The following NLRX1 variants were observed in gnomAD, a reference collection of about 807,000 sequenced individuals.
NLRX1 encodes NOD-like receptor X1.
In NLRX1, 67 loss-of-function variants were observed where a neutral mutation model predicts 74.2. That is an observed-to-expected ratio of 0.90 (90% CI 0.74 to 1.11). The LOEUF (loss-of-function observed/expected upper bound fraction) is 1.11, where lower values mean the gene tolerates loss of function less well. Among genes scored for constraint, NLRX1 ranks in the 50% least tolerant of loss-of-function variants. NLRX1 has a pLI of 0.00. For missense variants in NLRX1, 1,191 were observed against 1,305.4 expected (o/e 0.91, Z 1.35); for synonymous variants, 506 against 559.1 (o/e 0.91, Z 1.34).
rs750835811 is a variant in NLRX1 at position 119,173,597 on chromosome 11, C to T, written c.348C>T (p.Arg116=). 39 of 1,614,040 alleles carry T rather than the reference C, an allele frequency of 2.4e-5. No individual in the cohort carries two copies. The highest frequency in any genetic ancestry group is 8.8e-5 in the South Asian group (8 of 91,094). Residue 116 remains arginine, a synonymous_variant, in exon 5 of 10, where the codon CGC becomes CGT. Coordinates refer to ENST00000409109, the MANE Select transcript of NLRX1 (RefSeq NM_001282144.2). This position sits in a 1 kb window ranked among gnomAD's most constrained non-coding sequence, Gnocchi z 4.0. ...CGGTCCACGTTGACCCTGTGATCCG[C>T]GAGAGTACCCCTGATGAGCTACTTC... ...LDTVHVDPVI[R]ESTPDELLRP...
chr11:119,173,943 G>T lies in NLRX1; in HGVS notation c.694G>T (p.Ala232Ser), dbSNP rs747289717. Residue 232 changes from alanine to serine, a missense_variant, in exon 5 of 10, where the codon GCT (alanine) becomes TCT (serine). Physicochemically the swap from Ala to Ser is moderately conservative, Grantham distance 99 (BLOSUM62 1). Transcript: ENST00000409109. The surrounding 1 kb of genome is among the most constrained non-coding windows in gnomAD (Gnocchi z 4.0). ...PLKEVLPLMA[A>S]AGSHLLFVLH... ...GAAGGAGGTTCTGCCCCTGATGGCT[G>T]CTGCTGGGTCCCACCTCCTCTTTGT... 10 of 1,613,820 alleles carry T rather than the reference G, an allele frequency of 6.2e-6. No individual in the cohort carries two copies. The highest frequency in any genetic ancestry group is 8.5e-6 in the Non-Finnish European group (10 of 1,180,046).
chr11:119,172,268 G>A lies in NLRX1; in HGVS notation c.71-88G>A, dbSNP rs58947677. On this transcript the variant is annotated intron_variant, in intron 2 of 9. Coordinates refer to ENST00000409109, the MANE Select transcript of NLRX1 (RefSeq NM_001282144.2). ...GCAAAGGGGCAGTACATGCTGCTATGAGAGCAAATACTGGGGGGTTTGATG... is the reference window on the plus strand; with the variant it reads ...GCAAAGGGGCAGTACATGCTGCTATAAGAGCAAATACTGGGGGGTTTGATG... The A allele has an allele frequency of 6.6e-3, 6,650 of 1,001,844 alleles. 297 individuals are homozygous for A. The African/African-American group carries it at 0.092, about 14-fold the overall frequency. 62.1% of individuals were successfully genotyped at this position (1,001,844 alleles called of 1,614,324 possible).
intron 1 of NLRX1, 107 bp from the exon 2 acceptor site, chr11:119,171,249 A>G: frequency 3.0e-6 from 2 of 667,370 alleles, no homozygotes; most frequent in South Asian, 4.6e-5. Context: ...ACATTTGAGG[A>G]AGGGCTGATC....
Position 119,174,542 on chromosome 11 carries a change from T to A in NLRX1, c.939T>A (p.Ser313=). The A allele has an allele frequency of 6.2e-7, 1 of 1,614,212 alleles. No homozygotes were observed. The highest frequency in any genetic ancestry group is 2.2e-5 in the East Asian group (1 of 44,890). ...GCTATGGTGAGATCTGCGGTTTCTCTGATACCAACCTGCAGAAGCTCTACT... is the reference window on the plus strand; with the variant it reads ...GCTATGGTGAGATCTGCGGTTTCTCAGATACCAACCTGCAGAAGCTCTACT... ...VGRYGEICGF[S]DTNLQKLYFQ... Residue 313 remains serine (S), a synonymous_variant, in exon 6 of 10, where the codon TCT becomes TCA. Transcript: ENST00000409109.
At chr11:119,181,764 GT>G (rs1215248384) in intron 8 of NLRX1, among the ~76,000 whole-genome samples, 1 of 152,126 alleles carries the variant, frequency 6.6e-6, no homozygotes, top group Non-Finnish European at 1.5e-5. Context: ...AGCAGAGGCT[GT>G]GGAGGGGGTG....
intron 1 of NLRX1, among the ~76,000 whole-genome samples, chr11:119,170,034 A>T (rs929087505): frequency 7.9e-6 from 1 of 126,418 alleles, no homozygotes; most frequent in Non-Finnish European, 1.6e-5. Flanking sequence ...AAAAAAAAAA[A>T]TTGGTTGGGA....
rs112999587 is a variant in NLRX1, at chr11:119,174,556, A to G, written c.953A>G (p.Gln318Arg). 1 of 1,614,084 alleles carries G rather than the reference A, an allele frequency of 6.2e-7. No homozygotes were observed. Among genetic ancestry groups the G allele is most frequent in the Non-Finnish European group, 8.5e-7 (1 of 1,180,050 alleles). ...EICGFSDTNL[Q>R]KLYFQLRLNQ... The stretch of plus-strand genomic sequence containing the variant: ...TGCGGTTTCTCTGATACCAACCTGC[A>G]GAAGCTCTACTTCCAGCTCCGCCTC... The change falls in exon 6 of 10, where the codon CAG becomes CGG. Residue 318 changes from glutamine to arginine, a missense_variant. By Grantham distance (43) the Gln-to-Arg change is conservative. Coordinates refer to ENST00000409109, the MANE Select transcript of NLRX1 (RefSeq NM_001282144.2).
Position 119,175,250 on chromosome 11 carries a change from G to A in NLRX1, c.1647G>A (p.Leu549=). 1 of 1,613,870 alleles carries A rather than the reference G, an allele frequency of 6.2e-7. No individual in the cohort carries two copies. The highest frequency in any genetic ancestry group is 8.5e-7 in the Non-Finnish European group (1 of 1,179,932). The change falls in exon 6 of 10, where the codon CTG becomes CTA. Residue 549 remains leucine (L), a synonymous_variant. Coordinates refer to ENST00000409109, the MANE Select transcript of NLRX1 (RefSeq NM_001282144.2). ...CCAAGCTGCTGCCTCTGCGGGCTCT[G>A]CCTCTGCTCTTCAACCTGATCAAGG... ...IMAKLLPLRA[L]PLLFNLIKVV...
Position 119,180,011 on chromosome 11 carries a change from A to C in NLRX1, c.1990A>C (p.Lys664Gln), listed in dbSNP as rs749477688. ...NAQAIKKKLG[K>Q]LGRQVLPPSE... is the part of the protein sequence containing the mutation. ...CCAGGCCATCAAGAAGAAGCTGGGC[A>C]AGCTGGGCCGGCAGGTGCTGCCCCC... is the stretch of plus-strand genomic sequence containing the variant. The change falls in exon 7 of 10, where the codon AAG becomes CAG. Residue 664 changes from lysine to glutamine, a missense_variant. Physicochemically the swap from Lys to Gln is moderately conservative, Grantham distance 53. Coordinates refer to ENST00000409109, the MANE Select transcript of NLRX1 (RefSeq NM_001282144.2). 1.2e-6 allele frequency: 2 copies of C among 1,613,614 alleles called. No homozygotes were observed. The highest frequency in any genetic ancestry group is 2.7e-5 in the African/African-American group (2 of 74,940).
chr11:119,174,172 C>T, intron 5 of NLRX1, 74 bp downstream of exon 5: 3 of 1,542,904 alleles, frequency 1.9e-6, no homozygotes, highest in Non-Finnish European at 1.7e-6. Context: ...TACTTTAACT[C>T]CTGGTCCCTT....
Position 119,173,652 on chromosome 11 carries a change from C to A in NLRX1, c.403C>A (p.Gln135Lys). Residue 135 changes from glutamine to lysine, a missense_variant, in exon 5 of 10, where the codon CAG (glutamine) becomes AAG (lysine). Transcript: ENST00000409109. This position sits in a 1 kb window ranked among gnomAD's most constrained non-coding sequence, Gnocchi z 4.0. ...RPPAELALEH[Q>K]PPQAGLPPLA... ...ACCCGCGGAGCTGGCCCTGGAGCAT[C>A]AGCCACCCCAGGCCGGGCTCCCCCC... The A allele has an allele frequency of 6.2e-7, 1 of 1,614,092 alleles. No homozygotes were observed. Among genetic ancestry groups the A allele is most frequent in the Non-Finnish European group, 8.5e-7 (1 of 1,180,038 alleles).
At chr11:119,177,564 G>T (rs1948730339) in intron 6 of NLRX1, among the ~76,000 whole-genome samples, 1 of 151,076 alleles carries the variant, frequency 6.6e-6, no homozygotes, top group South Asian at 2.1e-4. Flanking sequence ...GGAAGTGGAG[G>T]TTGCAGTGAG....
chr11:119,182,030 C>T (rs931276055), intron 8 of NLRX1, 64 bp from the exon 9 acceptor site: 1 of 1,583,054 alleles, frequency 6.3e-7, no homozygotes, highest in Non-Finnish European at 8.6e-7. Context: ...CCAGTACCAC[C>T]CCCAACCTTG....
At chr11:119,175,347 A>C (rs1168866232) in intron 6 of NLRX1, 73 bp downstream of exon 6, 1 of 1,343,346 alleles carries the variant, frequency 7.4e-7, no homozygotes, top group East Asian at 2.3e-5. Flanking sequence ...CCACGCCCCC[A>C]CATGGTTCCC....
chr11:119,174,790 G>T lies in NLRX1; in HGVS notation c.1187G>T (p.Ser396Ile). The T allele has an allele frequency of 2.5e-6, 4 of 1,613,876 alleles. No homozygotes were observed. Among genetic ancestry groups the T allele is most frequent in the Non-Finnish European group, 3.4e-6 (4 of 1,180,036 alleles). ...ACGCCTGCTGGGCAGACCCTTACAA[G>T]CATCTATACCAGCTTCCTGCGCCTC... ...APTPAGQTLT[S>I]IYTSFLRLNF... The change falls in exon 6 of 10, where the codon AGC becomes ATC. Residue 396 changes from serine (S) to isoleucine (I), a missense_variant. Physicochemically the swap from Ser to Ile is moderately radical, Grantham distance 142. Transcript: ENST00000409109.
chr11:119,179,226 T>G (rs1433408494), intron 6 of NLRX1, among the ~76,000 whole-genome samples: 3 of 152,162 alleles, frequency 2.0e-5, no homozygotes, highest in African/African-American at 7.2e-5. Context: ...CACCACCTCC[T>G]GGGTTTGAAA....
At chr11:119,169,513 G>A (rs1241763171) in intron 1 of NLRX1, among the ~76,000 whole-genome samples, 1 of 152,184 alleles carries the variant, frequency 6.6e-6, no homozygotes, top group African/African-American at 2.4e-5. Context: ...CAGCTCCTCC[G>A]CTGGTTGGCC....
chr11:119,182,038 T>A, intron 8 of NLRX1, 56 bp from the exon 9 acceptor site: 3 of 1,590,682 alleles, frequency 1.9e-6, no homozygotes, highest in Non-Finnish European at 2.6e-6. Context: ...ACCCCCAACC[T>A]TGCCTCCCCC....
chr11:119,170,311 C>T (rs866426524), intron 1 of NLRX1, among the ~76,000 whole-genome samples: 1 of 152,092 alleles, frequency 6.6e-6, no homozygotes, highest in African/African-American at 2.4e-5. Context: ...AAATGCTGGT[C>T]GGGGCAGCAA....
Sources: gnomAD v4.1 joint callset for allele counts (sites outside exome capture counted in the v4.1 genomes callset) on GRCh38, gnomAD v4.1.1 for gene constraint, Gnocchi (gnomAD v3.1) non-coding constraint, MANE v1.5 for transcripts, NCBI Gene and HGNC (gene_info 2026-07-23, HGNC 2026-07-21) for gene names.